Variants in SYT3 observed in about 807,000 individuals in gnomAD.
The protein encoded by SYT3 is synaptotagmin-3.
SYT3 carries 25 observed loss-of-function variants against 50.6 expected under a neutral mutation model. That is an observed-to-expected ratio of 0.49 (90% confidence interval 0.36 to 0.69). SYT3 has a LOEUF of 0.69. Among genes scored for constraint, SYT3 ranks in the 30% least tolerant of loss-of-function variants. SYT3 has a pLI of 0.00. For missense variants in SYT3, 589 were observed against 793.6 expected, an observed-to-expected ratio of 0.74 and a Z score of 3.10; for synonymous variants, 323 against 353.9, an observed-to-expected ratio of 0.91 and a Z score of 0.98.
chr19:50,655,574 G>T, the SYT3 span, among the ~76,000 whole-genome samples: 28 of 152,054 alleles, frequency 1.8e-4, no homozygotes, highest in Non-Finnish European at 3.2e-4. Context: ...GCGTGAACCC[G>T]GGAGGCAGAG....
chr19:50,629,085 A>T (rs1244584891), intron 6 of SYT3, among the ~76,000 whole-genome samples: 1 of 152,026 alleles, frequency 6.6e-6, no homozygotes, highest in Non-Finnish European at 1.5e-5. Flanking sequence ...GGCCTCCCAA[A>T]GTGCTGGGAT....
intron 3 of SYT3, among the ~76,000 whole-genome samples, chr19:50,634,508 A>G (rs1198890487): frequency 2.0e-5 from 3 of 151,092 alleles, no homozygotes; most frequent in Non-Finnish European, 4.4e-5. Flanking sequence ...GTGGCCCTGC[A>G]GGGACATATA....
chr19:50,645,769 A>G, the SYT3 span, among the ~76,000 whole-genome samples: 1 of 152,094 alleles, frequency 6.6e-6, no homozygotes, highest in Non-Finnish European at 1.5e-5. Context: ...AGTTCCACCT[A>G]CTTGGAAGGC....
the SYT3 span, among the ~76,000 whole-genome samples, chr19:50,648,126 C>T: frequency 1.2e-4 from 19 of 152,210 alleles, no homozygotes; most frequent in East Asian, 2.7e-3. Context: ...ATGCTTCCCT[C>T]GTGTTGTCTT....
At chr19:50,630,766 A>G (rs1984273984) in intron 4 of SYT3, among the ~76,000 whole-genome samples, 1 of 152,144 alleles carries the variant, frequency 6.6e-6, no homozygotes. Flanking sequence ...AGACCTGTGC[A>G]TAAACCAGCT....
intron 2 of SYT3, among the ~76,000 whole-genome samples, chr19:50,638,305 T>C (rs1469374980): frequency 6.6e-6 from 1 of 151,794 alleles, no homozygotes; most frequent in African/African-American, 2.4e-5. Context: ...GGAAAGCAGT[T>C]GGAGGGTCCA....
At chr19:50,631,950 G>C (rs1385142289) in intron 4 of SYT3, among the ~76,000 whole-genome samples, 1 of 152,060 alleles carries the variant, frequency 6.6e-6, no homozygotes, top group Non-Finnish European at 1.5e-5. Context: ...GGGTGAAAGG[G>C]GGTGAACTGC....
intron 3 of SYT3, among the ~76,000 whole-genome samples, chr19:50,633,829 G>T (rs1984405514): frequency 6.6e-6 from 1 of 152,162 alleles, no homozygotes; most frequent in African/African-American, 2.4e-5. Flanking sequence ...GAAAACTGAG[G>T]TCTGTATACC....
chr19:50,653,540 TG>T, the SYT3 span, among the ~76,000 whole-genome samples: 1 of 152,100 alleles, frequency 6.6e-6, no homozygotes, highest in East Asian at 1.9e-4. Flanking sequence ...CCAGTAGGTC[TG>T]GGGGTGGGCC....
chr19:50,646,323 G>A, the SYT3 span, among the ~76,000 whole-genome samples: 1 of 152,168 alleles, frequency 6.6e-6, no homozygotes, highest in Non-Finnish European at 1.5e-5. Context: ...ATTTGATGCT[G>A]GTCTGTTTGA....
the SYT3 span, among the ~76,000 whole-genome samples, chr19:50,645,703 A>T: frequency 6.6e-6 from 1 of 152,148 alleles, no homozygotes; most frequent in African/African-American, 2.4e-5. Context: ...ACATGGTGAA[A>T]TTTCAGCTTT....
At chr19:50,626,983 C>T (rs1028118200) in intron 6 of SYT3, among the ~76,000 whole-genome samples, 1 of 152,082 alleles carries the variant, frequency 6.6e-6, no homozygotes, top group Non-Finnish European at 1.5e-5. Context: ...CTGACTCAGA[C>T]AGAGTGGGAC....
chr19:50,629,868 G>C lies in SYT3; in HGVS notation c.978C>G (p.Leu326=). 6.2e-7 allele frequency: 1 copy of C among 1,614,114 alleles called. No individual in the cohort carries two copies. Among genetic ancestry groups the C allele is most frequent in the African/African-American group, 1.3e-5 (1 of 75,034 alleles). ...AGAAGCCGTTGGAGTCCTTGGCAGG[G>C]AGGTCCAGGGCCTGCAGGATCCTCA... ...LVVRILQALD[L]PAKDSNGFSD... is the part of the protein sequence containing the mutation. The change falls in exon 5 of 11, where the codon CTC becomes CTG. Residue 326 remains leucine, a synonymous_variant. Transcript: ENST00000600079.
the SYT3 span, among the ~76,000 whole-genome samples, chr19:50,654,238 T>C: frequency 6.6e-6 from 1 of 152,088 alleles, no homozygotes; most frequent in Admixed American, 6.6e-5. Context: ...TCTTTTCTTT[T>C]CTCCCTTGCT....
the SYT3 span, among the ~76,000 whole-genome samples, chr19:50,646,139 C>T: frequency 6.6e-6 from 1 of 152,146 alleles, no homozygotes; most frequent in Non-Finnish European, 1.5e-5. Context: ...AAGGAAATTA[C>T]CTCCTTTTGG....
chr19:50,657,058 T>C, the SYT3 span, among the ~76,000 whole-genome samples: 1 of 151,980 alleles, frequency 6.6e-6, no homozygotes, highest in Non-Finnish European at 1.5e-5. Context: ...GTCATGTTTT[T>C]GACAGATTCA....
chr19:50,622,290 C>A lies in SYT3; in HGVS notation c.*195G>T. On this transcript the variant is annotated 3_prime_UTR_variant, in exon 11 of 11. Coordinates refer to ENST00000600079, the MANE Select transcript of SYT3 (RefSeq NM_001160329.2). ...GACAGACACAGTGGAGGCTGAATGACCCCCACCCTGAAAGAAGGAGCTGGG... is the reference window on the plus strand; with the variant it reads ...GACAGACACAGTGGAGGCTGAATGAACCCCACCCTGAAAGAAGGAGCTGGG... The A allele has an allele frequency of 5.3e-6, 1 of 186,918 alleles. No homozygotes were observed. Among genetic ancestry groups the A allele is most frequent in the South Asian group, 1.3e-4 (1 of 7,644 alleles). The allele number at this position is 186,918 out of a possible 1,614,324, so 11.6% of individuals were successfully genotyped here.
At position 50,625,568 on chromosome 19, in the gene SYT3, G is replaced by C; in HGVS notation, c.1403-4C>G. 6.3e-7 allele frequency: 1 copy of C among 1,576,928 alleles called. No individual in the cohort carries two copies. The highest frequency in any genetic ancestry group is 8.6e-7 in the Non-Finnish European group (1 of 1,163,020). On this transcript the variant is annotated splice_polypyrimidine_tract_variant and splice_region_variant and intron_variant, in intron 7 of 10. Transcript: ENST00000600079. This position sits in a 1 kb window ranked among gnomAD's most constrained non-coding sequence, Gnocchi z 7.5. ...AGGGAGGCCTTCACGTAGGGGTCTGGGAACAGCAATGAAGTAAGGAACAGA... is the reference window on the plus strand; with the variant it reads ...AGGGAGGCCTTCACGTAGGGGTCTGCGAACAGCAATGAAGTAAGGAACAGA...
chr19:50,631,306 A>G (rs1250491440), intron 4 of SYT3, among the ~76,000 whole-genome samples: 1 of 151,080 alleles, frequency 6.6e-6, no homozygotes, highest in Non-Finnish European at 1.5e-5. Context: ...ACACACAACC[A>G]TGCCCGGCTA....
Sources: allele counts gnomAD v4.1 joint callset (sites outside exome capture counted in the v4.1 genomes callset), GRCh38; gene constraint gnomAD v4.1.1; non-coding constraint Gnocchi (gnomAD v3.1); transcripts MANE v1.5; gene names NCBI Gene and HGNC (gene_info 2026-07-23, HGNC 2026-07-21).